Variants in ARHGAP10 observed in about 807,000 individuals in gnomAD.
The protein encoded by ARHGAP10 is rho GTPase-activating protein 10.
Under a neutral mutation model 108.6 loss-of-function variants are expected in ARHGAP10, and 87 were observed. The ratio of observed to expected loss-of-function variants is 0.80; its 90% CI spans 0.67 to 0.96. ARHGAP10 has a LOEUF of 0.96. ARHGAP10 is among the 40% of genes least tolerant of loss of function. The pLI, the probability that ARHGAP10 is intolerant of heterozygous loss-of-function variation, is 0.00. For missense variants in ARHGAP10, 939 were observed against 954.5 expected, an observed-to-expected ratio of 0.98 and a Z score of 0.21; for synonymous variants, 347 against 341.1, an observed-to-expected ratio of 1.02 and a Z score of -0.19.
chr4:147,744,495 T>C (rs1357445615), intron 1 of ARHGAP10, among the ~76,000 whole-genome samples: 1 of 151,920 alleles, frequency 6.6e-6, no homozygotes, highest in African/African-American at 2.4e-5. Context: ...GTTGAATTGT[T>C]GTAGAAAGCT....
chr4:148,038,103 G>A (rs545211200), intron 19 of ARHGAP10, among the ~76,000 whole-genome samples: 8 of 152,188 alleles, frequency 5.3e-5, no homozygotes, highest in African/African-American at 1.9e-4. Context: ...GTAGCATTAG[G>A]TACTACTTTT....
At chr4:147,779,373 G>T (rs917862701) in intron 1 of ARHGAP10, among the ~76,000 whole-genome samples, 2 of 152,162 alleles carry the variant, frequency 1.3e-5, no homozygotes, top group Non-Finnish European at 2.9e-5. Context: ...TAAGGAGCTG[G>T]CACTCTCTTT....
chr4:147,783,122 TTA>T (rs1045315940), intron 1 of ARHGAP10, among the ~76,000 whole-genome samples: 2 of 142,882 alleles, frequency 1.4e-5, no homozygotes, highest in Admixed American at 7.3e-5. Context: ...AAATTATATA[TTA>T]TATAATTTAT....
chr4:147,875,985 G>A (rs1237418396), intron 8 of ARHGAP10, among the ~76,000 whole-genome samples: 1 of 152,196 alleles, frequency 6.6e-6, no homozygotes, highest in Non-Finnish European at 1.5e-5. Context: ...ACCCTTAACT[G>A]TGATTAGGGT....
intron 1 of ARHGAP10, among the ~76,000 whole-genome samples, chr4:147,805,115 T>C (rs1051284347): frequency 1.2e-4 from 19 of 152,242 alleles, no homozygotes; most frequent in Non-Finnish European, 2.5e-4. Flanking sequence ...AGGTTTTACA[T>C]TGAAGTCTTT....
chr4:147,785,767 T>C (rs1187310235), intron 1 of ARHGAP10, among the ~76,000 whole-genome samples: 2 of 152,146 alleles, frequency 1.3e-5, no homozygotes, highest in African/African-American at 2.4e-5. Context: ...TCAGCAATTA[T>C]TTCATATAAG....
At chr4:147,818,089 G>A (rs1199302461) in intron 1 of ARHGAP10, among the ~76,000 whole-genome samples, 1 of 151,954 alleles carries the variant, frequency 6.6e-6, no homozygotes, top group Non-Finnish European at 1.5e-5. Flanking sequence ...CTTATTACCA[G>A]CAGTGTAAAG....
chr4:147,797,657 C>T (rs953617821), intron 1 of ARHGAP10, among the ~76,000 whole-genome samples: 4 of 152,224 alleles, frequency 2.6e-5, no homozygotes, highest in Admixed American at 1.3e-4. Context: ...GTGATCTGCC[C>T]GCCTCAGCCT....
intron 18 of ARHGAP10, among the ~76,000 whole-genome samples, chr4:148,015,334 G>A (rs1335784194): frequency 1.3e-5 from 2 of 152,186 alleles, no homozygotes; most frequent in African/African-American, 2.4e-5. Context: ...TGGGAGTAAG[G>A]TCTGACTGCC....
chr4:147,890,306 G>T (rs542081272), intron 10 of ARHGAP10, among the ~76,000 whole-genome samples: 4 of 152,128 alleles, frequency 2.6e-5, no homozygotes. Flanking sequence ...GATTATCAAT[G>T]GTTAGATGGA....
At chr4:147,735,177 G>A (rs541226704) in intron 1 of ARHGAP10, among the ~76,000 whole-genome samples, 1 of 152,242 alleles carries the variant, frequency 6.6e-6, no homozygotes, top group South Asian at 2.1e-4. Context: ...AATTAGATAC[G>A]GATTTATAAT....
intron 5 of ARHGAP10, 147 bp downstream of exon 5, chr4:147,857,801 AAAG>A: frequency 3.0e-6 from 2 of 675,010 alleles, no homozygotes; most frequent in Non-Finnish European, 4.2e-6. Context: ...AATTAAGAAA[AAAG>A]TCCTTGTGAA....
At chr4:148,063,587 C>T (rs1729722966) in intron 21 of ARHGAP10, among the ~76,000 whole-genome samples, 1 of 152,226 alleles carries the variant, frequency 6.6e-6, no homozygotes, top group Non-Finnish European at 1.5e-5. Context: ...TTTGGAAGAA[C>T]TTCTTGCTCA....
At chr4:147,977,841 C>CT in intron 18 of ARHGAP10, among the ~76,000 whole-genome samples, 1 of 151,974 alleles carries the variant, frequency 6.6e-6, no homozygotes, top group East Asian at 1.9e-4. Context: ...TCTCCAGTGT[C>CT]TATTACTTTC....
intron 18 of ARHGAP10, among the ~76,000 whole-genome samples, chr4:148,001,417 G>T (rs1291662522): frequency 1.3e-5 from 2 of 152,108 alleles, no homozygotes; most frequent in Non-Finnish European, 2.9e-5. Context: ...GGTTCCATAT[G>T]AACTTCAAAG....
intron 19 of ARHGAP10, among the ~76,000 whole-genome samples, chr4:148,038,105 A>ACTACTTTTTG (rs1280082801): frequency 6.6e-6 from 1 of 152,182 alleles, no homozygotes; most frequent in Non-Finnish European, 1.5e-5. Flanking sequence ...AGCATTAGGT[A>ACTACTTTTTG]CTACTTTTTG....
chr4:147,910,115 C>T (rs995852334), intron 12 of ARHGAP10, among the ~76,000 whole-genome samples: 1 of 151,928 alleles, frequency 6.6e-6, no homozygotes, highest in Non-Finnish European at 1.5e-5. Context: ...TCAAGTGATC[C>T]TCCCACTTCA....
chr4:147,911,594 C>G (rs182796765), intron 12 of ARHGAP10, among the ~76,000 whole-genome samples: 11,998 of 152,006 alleles, frequency 0.079, 1,363 homozygotes, highest in African/African-American at 0.26. Context: ...GATCTCCTGA[C>G]TTCGTGATCC....
intron 22 of ARHGAP10, among the ~76,000 whole-genome samples, chr4:148,066,862 G>C (rs759246375): frequency 1.3e-5 from 2 of 152,190 alleles, no homozygotes; most frequent in Non-Finnish European, 2.9e-5. Context: ...TGCTATAGAC[G>C]TATGGGGGAG....
Sources: gnomAD v4.1 joint callset for allele counts (sites outside exome capture counted in the v4.1 genomes callset) on GRCh38, gnomAD v4.1.1 for gene constraint, MANE v1.5 for transcripts, NCBI Gene and HGNC (gene_info 2026-07-23, HGNC 2026-07-21) for gene names.